Variants in TCF12 observed in about 807,000 individuals in gnomAD.
TCF12 encodes the protein transcription factor 12.
Under a neutral mutation model 86.0 loss-of-function variants are expected in TCF12, and 45 were observed. That is an observed-to-expected ratio of 0.52 (90% confidence interval 0.41 to 0.67). The LOEUF (loss-of-function observed/expected upper bound fraction) is 0.67. Among genes scored for constraint, TCF12 ranks in the 30% least tolerant of loss-of-function variants. TCF12 has a pLI of 0.00. For missense variants in TCF12, 881 were observed against 859.9 expected (o/e 1.02, Z -0.31); for synonymous variants, 330 against 299.6 (o/e 1.10, Z -1.05).
At chr15:56,980,195 A>C (rs1286385810) in intron 3 of TCF12, among the ~76,000 whole-genome samples, 1 of 152,156 alleles carries the variant, frequency 6.6e-6, no homozygotes, top group African/African-American at 2.4e-5. Flanking sequence ...TGTCTACCAA[A>C]AAAACAAATT....
At chr15:56,954,267 A>T (rs943739529) in intron 3 of TCF12, among the ~76,000 whole-genome samples, 2 of 152,136 alleles carry the variant, frequency 1.3e-5, no homozygotes, top group Non-Finnish European at 2.9e-5. Context: ...ATTGTGGTTC[A>T]CATCTACAAG....
At chr15:57,118,608 C>T (rs1184608565) in intron 5 of TCF12, among the ~76,000 whole-genome samples, 1 of 152,026 alleles carries the variant, frequency 6.6e-6, no homozygotes. Flanking sequence ...TTAGTGGTTG[C>T]GTTTTCAGTT....
chr15:57,227,889 T>A (rs2058961494), intron 8 of TCF12, among the ~76,000 whole-genome samples: 1 of 152,124 alleles, frequency 6.6e-6, no homozygotes, highest in South Asian at 2.1e-4. Flanking sequence ...TTTAAAATAG[T>A]TTGACTCCTG....
At chr15:57,067,562 AAG>A (rs1261370075) in intron 4 of TCF12, among the ~76,000 whole-genome samples, 1 of 146,022 alleles carries the variant, frequency 6.8e-6, no homozygotes, top group African/African-American at 2.5e-5. Flanking sequence ...AAAAAAAAAA[AAG>A]AGTGGTTATA....
chr15:57,140,123 T>C (rs764085459), intron 5 of TCF12, among the ~76,000 whole-genome samples: 5 of 152,180 alleles, frequency 3.3e-5, no homozygotes, highest in Non-Finnish European at 7.3e-5. Flanking sequence ...ATCAGCATTA[T>C]TCCCAGTTAA....
intron 3 of TCF12, among the ~76,000 whole-genome samples, chr15:56,995,881 T>G (rs1445021421): frequency 1.4e-4 from 21 of 152,172 alleles, no homozygotes; most frequent in Non-Finnish European, 2.9e-4. Context: ...AGGGGAATGC[T>G]TCCAGCTTTT....
At chr15:57,028,037 C>T (rs1567280362) in intron 3 of TCF12, among the ~76,000 whole-genome samples, 1 of 151,918 alleles carries the variant, frequency 6.6e-6, no homozygotes. Context: ...GGTCTTGGCT[C>T]ACTGCAACCT....
intron 3 of TCF12, among the ~76,000 whole-genome samples, chr15:56,971,432 A>G (rs1306993466): frequency 6.6e-6 from 1 of 150,794 alleles, no homozygotes; most frequent in Admixed American, 6.6e-5. Context: ...CTCAAAAAAG[A>G]AAAAAAAAGA....
Position 57,075,818 on chromosome 15 carries a change from C to CTT in TCF12, c.222+11996_222+11997insTT, listed in dbSNP as rs1567370861. ...TCTTTCTTTCTTTCTCTCTCTCTCT[C>CTT]TCTCTCTCTCTCTCTCTTTTCTTTC... On this transcript the variant is annotated intron_variant, in intron 4 of 20. Transcript: ENST00000333725. 5.5e-3 allele frequency among the ~76,000 whole-genome samples: 304 copies of CTT among 55,136 alleles called. 6 individuals are homozygous for CTT. Among genetic ancestry groups the CTT allele is most frequent in the African/African-American group, 8.0e-3 (102 of 12,800 alleles). 36.2% of individuals were successfully genotyped at this position (55,136 alleles called of 152,430 possible).
At chr15:57,056,490 G>A (rs750067718) in intron 3 of TCF12, among the ~76,000 whole-genome samples, 48 of 151,794 alleles carry the variant, frequency 3.2e-4, no homozygotes, top group African/African-American at 1.1e-3. Flanking sequence ...AGAGAATCTC[G>A]TTCTGTCACC....
chr15:57,084,392 T>G (rs2048496178), intron 4 of TCF12, among the ~76,000 whole-genome samples: 1 of 152,180 alleles, frequency 6.6e-6, no homozygotes, highest in Non-Finnish European at 1.5e-5. Context: ...TGCTAGTGAG[T>G]GCTAGTGGTA....
intron 5 of TCF12, among the ~76,000 whole-genome samples, chr15:57,134,143 G>A (rs997560859): frequency 1.1e-4 from 17 of 151,812 alleles, no homozygotes; most frequent in African/African-American, 3.1e-4. Flanking sequence ...TATATTGGGC[G>A]GTCTTGTTTG....
At chr15:56,985,504 G>A (rs1158314493) in intron 3 of TCF12, among the ~76,000 whole-genome samples, 3 of 152,104 alleles carry the variant, frequency 2.0e-5, no homozygotes, top group Non-Finnish European at 4.4e-5. Context: ...ATCCAGATAC[G>A]TAGATGGTAG....
At chr15:57,265,859 G>A (rs2060838693) in intron 18 of TCF12, among the ~76,000 whole-genome samples, 1 of 152,138 alleles carries the variant, frequency 6.6e-6, no homozygotes, top group Non-Finnish European at 1.5e-5. Context: ...TGACTAATGT[G>A]TTGTGCTGCA....
At chr15:56,995,226 T>G (rs1340041025) in intron 3 of TCF12, among the ~76,000 whole-genome samples, 1 of 129,270 alleles carries the variant, frequency 7.7e-6, no homozygotes, top group East Asian at 2.6e-4. Context: ...ATGTGATACC[T>G]GCAGCTTTTT....
intron 3 of TCF12, among the ~76,000 whole-genome samples, chr15:57,001,080 G>A (rs974669257): frequency 2.7e-5 from 4 of 147,176 alleles, no homozygotes; most frequent in South Asian, 4.3e-4. Flanking sequence ...GCAGTGGCGC[G>A]ATCTCGGCTC....
chr15:57,128,194 A>G (rs1360568302), intron 5 of TCF12, among the ~76,000 whole-genome samples: 2 of 152,164 alleles, frequency 1.3e-5, no homozygotes, highest in East Asian at 3.8e-4. Context: ...AATGATAGGT[A>G]TATACTGATT....
chr15:57,004,125 A>T (rs181640512), intron 3 of TCF12, among the ~76,000 whole-genome samples: 1 of 152,128 alleles, frequency 6.6e-6, no homozygotes, highest in Non-Finnish European at 1.5e-5. Context: ...CTTTTTTCAT[A>T]TAATTAATTT....
chr15:56,995,134 G>C lies in TCF12; in HGVS notation c.149-68616G>C, dbSNP rs1596015610. On this transcript the variant is annotated intron_variant, in intron 3 of 20. Transcript: ENST00000333725. ...ACTTACAAAATAAGTAGGTAGGTTA[G>C]AATTACAATGGATAAATTAAAAAAT... is the stretch of plus-strand genomic sequence containing the variant. 3.4e-5 allele frequency among the ~76,000 whole-genome samples: 5 copies of C among 145,806 alleles called. No individual in the cohort carries two copies. In the Admixed American group the frequency reaches 3.4e-4, roughly 10 times the overall value.
Sources: allele counts gnomAD v4.1 joint callset (sites outside exome capture counted in the v4.1 genomes callset), GRCh38; gene constraint gnomAD v4.1.1; transcripts MANE v1.5; gene names NCBI Gene and HGNC (gene_info 2026-07-23, HGNC 2026-07-21).